PCNA: variants seen among roughly 807,000 people sequenced by gnomAD.
The protein encoded by PCNA is proliferating cell nuclear antigen, also known as DNA sliding clamp PCNA.
Under a neutral mutation model 27.8 loss-of-function variants are expected in PCNA, and 4 were observed. The observed-to-expected ratio is 0.14, with a 90% CI of 0.07 to 0.33. PCNA has a LOEUF of 0.33. PCNA is among the 10% of genes least tolerant of loss of function. The probability of loss-of-function intolerance (pLI) is 1.00; values close to 1 mark genes in which losing one functional copy is unlikely to be tolerated. For synonymous variants in PCNA, 121 were observed against 119.4 expected, an observed-to-expected ratio of 1.01 and a Z score of -0.09; for missense variants, 165 against 327.4, an observed-to-expected ratio of 0.50 and a Z score of 3.83.
Position 5,115,527 on chromosome 20 carries a change from T to G in PCNA, c.628A>C (p.Arg210=). 1 of 1,613,462 alleles carries G rather than the reference T, an allele frequency of 6.2e-7. No individual in the cohort carries two copies. The highest frequency in any genetic ancestry group is 1.3e-5 in the African/African-American group (1 of 75,042). ...NEPVQLTFAL[R]YLNFFTKATP... ...GCTTTTGTAAAGAAGTTCAGGTACC[T>G]CAGTGCAAAAGTTAGTTGAACTGGT... is the stretch of plus-strand genomic sequence containing the variant. The change falls in exon 5 of 6, where the codon AGG becomes CGG. Residue 210 remains arginine, a synonymous_variant. Transcript: ENST00000379143.
At chr20:5,120,482 C>G (rs1385394725), upstream of PCNA, among the ~76,000 whole-genome samples, 3 of 152,168 alleles carry the variant, frequency 2.0e-5, no homozygotes, top group Non-Finnish European at 4.4e-5. Flanking sequence ...CCCCCGCCAG[C>G]TCTTATAATC....
chr20:5,117,555 C>T lies in PCNA; in HGVS notation c.497G>A (p.Gly166Glu). 2 of 1,613,966 alleles carry T rather than the reference C, an allele frequency of 1.2e-6. No individual in the cohort carries two copies. Among genetic ancestry groups the T allele is most frequent in the Non-Finnish European group, 1.7e-6 (2 of 1,179,872 alleles). ...TTCTCCACTTGCAGAAAATTTCACT[C>T]CGTCTTTTGCACAGGAAATTACAAC... Reference protein sequence around the residue: ...DAVVISCAKDGVKFSASGELG... With the variant: ...DAVVISCAKDEVKFSASGELG... The change falls in exon 4 of 6, where the codon GGA becomes GAA. Residue 166 changes from glycine (G) to glutamate (E), a missense_variant. Physicochemically the swap from Gly to Glu is moderately conservative, Grantham distance 98. Transcript: ENST00000379143.
Position 5,119,647 on chromosome 20 carries a change from G to A in PCNA, c.152C>T (p.Thr51Ile), listed in dbSNP as rs1021658001. The change falls in exon 1 of 6, where the codon ACC (threonine) becomes ATC (isoleucine). Residue 51 changes from threonine (T) to isoleucine (I), a missense_variant. Coordinates refer to ENST00000379143, the MANE Select transcript of PCNA (RefSeq NM_182649.2). ...GGTGTCGAAGCCCTCAGACCGCAGG[G>A]TGAGCTGCACCAAAGAGACGTGGGA... ...DSSHVSLVQL[T>I]LRSEGFDTYR... 1.9e-6 allele frequency: 3 copies of A among 1,613,754 alleles called. No homozygotes were observed. The highest frequency in any genetic ancestry group is 1.7e-6 in the Non-Finnish European group (2 of 1,179,910).
upstream of PCNA, chr20:5,120,126 C>A: frequency 3.1e-6 from 1 of 320,724 alleles, no homozygotes; most frequent in Non-Finnish European, 6.1e-6. Flanking sequence ...CAGGGCGGGG[C>A]AGCGTCGCGC....
chr20:5,125,451 G>C (rs193292179), intron 1 of PCNA, among the ~76,000 whole-genome samples: 12 of 151,728 alleles, frequency 7.9e-5, no homozygotes, highest in Admixed American at 7.9e-4. Context: ...GTGAGACCCT[G>C]TCTCTAAAAA....
Position 5,117,507 on chromosome 20 carries a change from A to C in PCNA, c.545T>G (p.Leu182Trp), listed in dbSNP as rs772308650. The C allele has an allele frequency of 1.9e-6, 3 of 1,613,898 alleles. No homozygotes were observed. The highest frequency in any genetic ancestry group is 2.2e-5 in the East Asian group (1 of 44,870). Reference sequence around the variant, plus strand: ...TTTATCGACATTACTTGTCTGTGACAATTTAATGTTTCCATTTCCAAGTTC... The same window carrying C: ...TTTATCGACATTACTTGTCTGTGACCATTTAATGTTTCCATTTCCAAGTTC... ...SGELGNGNIK[L>W]SQTSNVDKEE... Residue 182 changes from leucine to tryptophan, a missense_variant, in exon 4 of 6, where the codon TTG becomes TGG. Physicochemically the swap from Leu to Trp is moderately conservative, Grantham distance 61. Coordinates refer to ENST00000379143, the MANE Select transcript of PCNA (RefSeq NM_182649.2).
At chr20:5,119,181 A>C (rs1235044285) in intron 1 of PCNA, among the ~76,000 whole-genome samples, 1 of 152,122 alleles carries the variant, frequency 6.6e-6, no homozygotes, top group Non-Finnish European at 1.5e-5. Flanking sequence ...CTGAGCCGGG[A>C]GGATCGCTTG....
At chr20:5,117,933 G>A (rs1461731063) in intron 3 of PCNA, among the ~76,000 whole-genome samples, 2 of 152,318 alleles carry the variant, frequency 1.3e-5, no homozygotes, top group Admixed American at 6.5e-5. Flanking sequence ...TCATGATGGC[G>A]CAAGCAGGCC....
At chr20:5,126,028 G>A (rs539317132) in intron 1 of PCNA, among the ~76,000 whole-genome samples, 1 of 152,332 alleles carries the variant, frequency 6.6e-6, no homozygotes, top group Admixed American at 6.5e-5. Flanking sequence ...GAGGTCAGGA[G>A]TTCGAGACCA....
At chr20:5,116,397 G>T (rs932273267) in intron 4 of PCNA, among the ~76,000 whole-genome samples, 2 of 152,070 alleles carry the variant, frequency 1.3e-5, no homozygotes, top group Non-Finnish European at 2.9e-5. Context: ...TCAGGAAACA[G>T]ATAAAGAATC....
chr20:5,119,534 G>A (rs559176985), intron 1 of PCNA, 44 bp downstream of exon 1: 1 of 1,510,948 alleles, frequency 6.6e-7, no homozygotes, highest in East Asian at 2.3e-5. Flanking sequence ...AGCACCGGAG[G>A]TGCAGGCGGG....
At chr20:5,120,993 AT>A (rs1000738869), upstream of PCNA, among the ~76,000 whole-genome samples, 3 of 150,304 alleles carry the variant, frequency 2.0e-5, no homozygotes, top group African/African-American at 4.9e-5. Flanking sequence ...TATTATTATT[AT>A]TTTTTTTTAG....
chr20:5,117,376 C>T, intron 4 of PCNA, 94 bp downstream of exon 4: 1 of 828,326 alleles, frequency 1.2e-6, no homozygotes, highest in Admixed American at 2.8e-5. Context: ...TACTTGGGAT[C>T]CAATTCTGTC....
Position 5,119,882 on chromosome 20 carries a change from G to C in PCNA, c.-84C>G, listed in dbSNP as rs1262195010. The C allele has an allele frequency of 2.7e-6, 3 of 1,104,638 alleles. No homozygotes were observed. Among genetic ancestry groups the C allele is most frequent in the Non-Finnish European group, 4.0e-6 (3 of 754,524 alleles). The allele number at this position is 1,104,638 out of a possible 1,614,324, so 68.4% of individuals were successfully genotyped here. A position where few individuals can be genotyped will look rare whatever the true frequency, so the allele number is the denominator to read the frequency against. ...GTTTCGGCTTCAGGAGCCTCAGAGC[G>C]AGCGGGCGAACGTCGCGACGACCGG... On this transcript the variant is annotated 5_prime_UTR_variant, in exon 1 of 6. Coordinates refer to ENST00000379143, the MANE Select transcript of PCNA (RefSeq NM_182649.2).
intron 4 of PCNA, among the ~76,000 whole-genome samples, chr20:5,116,085 A>G (rs749401804): frequency 2.0e-5 from 3 of 152,248 alleles, no homozygotes; most frequent in African/African-American, 4.8e-5. Context: ...CAGGAATGCA[A>G]TCAGCAAAAT....
Position 5,119,914 on chromosome 20 carries a change from C to G in PCNA, c.-116G>C, listed in dbSNP as rs891615221. ...CGAACGTCGCGACGACCGGCTGAGA[C>G]CTAGAAAGACAACGACCACTCTGCT... On this transcript the variant is annotated 5_prime_UTR_variant, in exon 1 of 6. Transcript: ENST00000379143. 12 of 758,238 alleles carry G rather than the reference C, an allele frequency of 1.6e-5. No homozygotes were observed. Among genetic ancestry groups the G allele is most frequent in the Admixed American group, 6.9e-5 (3 of 43,274 alleles). 47.0% of individuals were successfully genotyped at this position (758,238 alleles called of 1,614,324 possible). A position where few individuals can be genotyped will look rare whatever the true frequency, so the allele number is the denominator to read the frequency against.
intron 1 of PCNA, 23 bp downstream of exon 1, chr20:5,119,555 C>T (rs754119778): frequency 5.6e-6 from 9 of 1,596,036 alleles, no homozygotes; most frequent in African/African-American, 2.7e-5. Context: ...CCGGGGCCGG[C>T]TTCCCGGGGC....
At position 5,119,944 on chromosome 20, in the gene PCNA, C is replaced by A. The variant is rs574671553; in HGVS notation, c.-146G>T. The A allele has an allele frequency of 5.8e-5, 38 of 653,738 alleles. No homozygotes were observed. The highest frequency in any genetic ancestry group is 9.5e-5 in the Non-Finnish European group (36 of 378,816). The allele number at this position is 653,738 out of a possible 1,614,324, so 40.5% of individuals were successfully genotyped here. A position where few individuals can be genotyped will look rare whatever the true frequency, so the allele number is the denominator to read the frequency against. On this transcript the variant is annotated 5_prime_UTR_variant, in exon 1 of 6. The change creates a new upstream start codon in the 5' untranslated region. Transcript: ENST00000379143. ...AAAGACAACGACCACTCTGCTACGC[C>A]TGCAACCGTTTAATGCCGCCGCGTC...
chr20:5,123,254 G>T (rs2090527393), upstream of PCNA, among the ~76,000 whole-genome samples: 2 of 152,176 alleles, frequency 1.3e-5, no homozygotes, highest in Admixed American at 1.3e-4. Context: ...AGGGAATGTG[G>T]TCAACAGCAG....
Sources: allele counts gnomAD v4.1 joint callset (sites outside exome capture counted in the v4.1 genomes callset), GRCh38; gene constraint gnomAD v4.1.1; transcripts MANE v1.5; gene names NCBI Gene and HGNC (gene_info 2026-07-23, HGNC 2026-07-21).